Variants in ARHGAP42 observed in about 807,000 individuals in gnomAD.
The protein encoded by ARHGAP42 is Rho GTPase activating protein 42, also known as rho GTPase-activating protein 42.
Under a neutral mutation model 125.0 loss-of-function variants are expected in ARHGAP42, and 63 were observed. The ratio of observed to expected loss-of-function variants is 0.50; its 90% CI spans 0.41 to 0.62. The LOEUF is 0.62. Ranked by LOEUF, ARHGAP42 falls within the 20% of genes least tolerant of loss-of-function variation. ARHGAP42 has a pLI of 0.00. For missense variants in ARHGAP42, 766 were observed against 1,024.2 expected, an observed-to-expected ratio of 0.75 and a Z score of 3.44; for synonymous variants, 339 against 351.0, an observed-to-expected ratio of 0.97 and a Z score of 0.38.
intron 4 of ARHGAP42, among the ~76,000 whole-genome samples, chr11:100,878,734 AATTAT>A (rs1865883680): frequency 6.6e-6 from 1 of 152,072 alleles, no homozygotes; most frequent in Non-Finnish European, 1.5e-5. Flanking sequence ...CTCCCCGCCA[AATTAT>A]ATTATGTTTT....
At chr11:100,754,717 C>A (rs1418670043) in intron 1 of ARHGAP42, among the ~76,000 whole-genome samples, 11 of 152,182 alleles carry the variant, frequency 7.2e-5, no homozygotes, top group Admixed American at 7.2e-4. Context: ...CAAGGGAGAA[C>A]AGAGGCAACC....
In ARHGAP42 at chr11:100,882,246, T is replaced by C. The variant is rs117658592; in HGVS notation, c.384+22621T>C. Among the ~76,000 whole-genome samples, 1,146 of 152,320 alleles carry C rather than the reference T, an allele frequency of 7.5e-3. 5 individuals carry two copies. Among genetic ancestry groups the C allele is most frequent in the Middle Eastern group, 0.037 (11 of 294 alleles). ...CTGTGGGTTTGTCATAGATGGCTTT[T>C]ATTACGTTGAGCTATGTCCCTTGTA... On this transcript the variant is annotated intron_variant, in intron 4 of 23. Transcript: ENST00000298815.
chr11:100,863,591 T>A (rs1349759296), intron 4 of ARHGAP42, among the ~76,000 whole-genome samples: 2 of 152,260 alleles, frequency 1.3e-5, no homozygotes, highest in African/African-American at 4.8e-5. Flanking sequence ...ATTGTTCATC[T>A]GTGAGAGGCA....
intron 3 of ARHGAP42, among the ~76,000 whole-genome samples, chr11:100,840,379 G>A (rs1175437726): frequency 1.3e-5 from 2 of 152,036 alleles, no homozygotes; most frequent in Non-Finnish European, 2.9e-5. Context: ...TCCTCTCAGA[G>A]GTGACTCAAC....
intron 1 of ARHGAP42, among the ~76,000 whole-genome samples, chr11:100,721,813 T>C (rs1318469233): frequency 2.0e-5 from 3 of 152,182 alleles, no homozygotes; most frequent in Non-Finnish European, 4.4e-5. Flanking sequence ...TGATGTTATA[T>C]GGATGTACAC....
At chr11:100,867,626 C>G (rs774600043) in intron 4 of ARHGAP42, among the ~76,000 whole-genome samples, 13 of 152,194 alleles carry the variant, frequency 8.5e-5, no homozygotes, top group Non-Finnish European at 1.8e-4. Context: ...CTAAAACTTT[C>G]TTCATATTTG....
chr11:100,975,768 A>G lies in ARHGAP42; in HGVS notation c.1856-289A>G, dbSNP rs1020841201. ...ATTTTGTGGGAATTCAAGTCAACCC[A>G]CTTATGCTTCAAGAAGTAAAGTTAT... On this transcript the variant is annotated intron_variant, in intron 19 of 23. Transcript: ENST00000298815. Among the ~76,000 whole-genome samples the G allele has an allele frequency of 2.6e-5, 4 of 152,218 alleles. 1 individual carries two copies. In the South Asian group the frequency reaches 8.3e-4, roughly 31 times the overall value.
chr11:100,704,368 C>T (rs895418361), intron 1 of ARHGAP42, among the ~76,000 whole-genome samples: 7 of 152,158 alleles, frequency 4.6e-5, no homozygotes, highest in African/African-American at 1.4e-4. Flanking sequence ...AAGTGAAGCA[C>T]AGGCCGGAAA....
chr11:100,781,926 C>T lies in ARHGAP42; in HGVS notation c.250+11488C>T, dbSNP rs1363693019. ...CCTCTGAGGCACACTGGCTGCACCACCACGAGATTTTTTTTTTTTTTTGTG... is the reference window on the plus strand; with the variant it reads ...CCTCTGAGGCACACTGGCTGCACCATCACGAGATTTTTTTTTTTTTTTGTG... On this transcript the variant is annotated intron_variant, in intron 2 of 23. Coordinates refer to ENST00000298815, the MANE Select transcript of ARHGAP42 (RefSeq NM_152432.4). Among the ~76,000 whole-genome samples the T allele has an allele frequency of 2.2e-5, 3 of 138,972 alleles. 1 individual carries two copies. In the South Asian group the frequency reaches 7.6e-4, roughly 35 times the overall value. The allele number at this position is 138,972 out of a possible 152,430, so 91.2% of individuals were successfully genotyped here. A position where few individuals can be genotyped will look rare whatever the true frequency, so the allele number is the denominator to read the frequency against.
chr11:100,800,029 T>A (rs2135041023), intron 3 of ARHGAP42, among the ~76,000 whole-genome samples: 1 of 152,294 alleles, frequency 6.6e-6, no homozygotes, highest in African/African-American at 2.4e-5. Flanking sequence ...GGGACTATGG[T>A]CAGCAATGAA....
chr11:100,831,066 A>G (rs1391540588), intron 3 of ARHGAP42, among the ~76,000 whole-genome samples: 2 of 152,054 alleles, frequency 1.3e-5, no homozygotes, highest in Non-Finnish European at 2.9e-5. Flanking sequence ...CTGTGCTTGG[A>G]TTTTTGGATT....
intron 2 of ARHGAP42, among the ~76,000 whole-genome samples, chr11:100,783,190 C>T (rs1204753675): frequency 6.6e-6 from 1 of 152,150 alleles, no homozygotes; most frequent in African/African-American, 2.4e-5. Context: ...AATCCCAGCC[C>T]TTTGGGAGGC....
At chr11:100,950,006 A>G (rs1868133006) in intron 12 of ARHGAP42, 50 bp downstream of exon 12, 1 of 1,151,096 alleles carries the variant, frequency 8.7e-7, no homozygotes, top group Non-Finnish European at 1.2e-6. Flanking sequence ...GTTATTTTTA[A>G]CACAAAAGCA....
At chr11:100,862,842 T>C (rs1423481753) in intron 4 of ARHGAP42, among the ~76,000 whole-genome samples, 1 of 151,938 alleles carries the variant, frequency 6.6e-6, no homozygotes, top group Non-Finnish European at 1.5e-5. Flanking sequence ...ACCAGCCTTC[T>C]GACCAACATG....
chr11:100,703,713 T>C lies in ARHGAP42; in HGVS notation c.154+15881T>C, dbSNP rs2120212940. ...ACAGACAGTATAGATTTTGAGACTT[T>C]ATAGACATATCTACTGGTGCTTTAG... On this transcript the variant is annotated intron_variant, in intron 1 of 23. Transcript: ENST00000298815. 1.3e-5 allele frequency among the ~76,000 whole-genome samples: 2 copies of C among 152,378 alleles called. 1 individual carries two copies.
chr11:100,743,211 T>A (rs1308934164), intron 1 of ARHGAP42, among the ~76,000 whole-genome samples: 1 of 152,232 alleles, frequency 6.6e-6, no homozygotes, highest in Non-Finnish European at 1.5e-5. Context: ...TATTGACCTT[T>A]TGTTTCAGGA....
intron 12 of ARHGAP42, among the ~76,000 whole-genome samples, chr11:100,951,218 A>G (rs575633552): frequency 2.0e-5 from 3 of 152,076 alleles, no homozygotes; most frequent in Non-Finnish European, 2.9e-5. Flanking sequence ...ATTAAATAAC[A>G]TAATTTAAAA....
intron 3 of ARHGAP42, among the ~76,000 whole-genome samples, chr11:100,813,236 A>G (rs1864189069): frequency 6.6e-6 from 1 of 152,192 alleles, no homozygotes; most frequent in Admixed American, 6.5e-5. Flanking sequence ...TGTCCTGTGC[A>G]TTGTAGGATG....
intron 1 of ARHGAP42, 61 bp downstream of exon 1, chr11:100,687,893 T>A (rs975337665): frequency 9.5e-6 from 14 of 1,477,646 alleles, no homozygotes; most frequent in Non-Finnish European, 1.2e-5. Context: ...GGGGTGCGGG[T>A]CCGAAGGGTG....
Sources: allele counts gnomAD v4.1 joint callset (sites outside exome capture counted in the v4.1 genomes callset), GRCh38; gene constraint gnomAD v4.1.1; transcripts MANE v1.5; gene names NCBI Gene and HGNC (gene_info 2026-07-23, HGNC 2026-07-21).